The following SCD5 variants were observed in gnomAD, a reference collection of about 807,000 sequenced individuals.
SCD5 encodes the protein acyl-CoA-desaturase 4.
SCD5 carries 20 observed loss-of-function variants against 30.4 expected under a neutral mutation model. The ratio of observed to expected loss-of-function variants is 0.66; its 90% CI spans 0.46 to 0.96. SCD5 has a LOEUF of 0.96. SCD5 is among the 40% of genes least tolerant of loss of function. The pLI, the probability that SCD5 is intolerant of heterozygous loss-of-function variation, is 0.00. For synonymous variants in SCD5, 173 were observed against 176.4 expected (o/e 0.98, Z 0.16); for missense variants, 381 against 443.3 (o/e 0.86, Z 1.26).
intron 3 of SCD5, among the ~76,000 whole-genome samples, chr4:82,648,932 T>C (rs182812287): frequency 3.9e-5 from 6 of 152,274 alleles, no homozygotes; most frequent in African/African-American, 1.4e-4. Context: ...GGATGGAACA[T>C]GTGCTTTGGC....
intron 1 of SCD5, among the ~76,000 whole-genome samples, chr4:82,764,785 G>A (rs907901148): frequency 6.7e-6 from 1 of 148,492 alleles, no homozygotes; most frequent in Non-Finnish European, 1.5e-5. Context: ...ACAGTGCAAC[G>A]GTGCAATCTT....
intron 2 of SCD5, among the ~76,000 whole-genome samples, chr4:82,690,325 G>C (rs1043482770): frequency 1.8e-4 from 28 of 152,216 alleles, no homozygotes; most frequent in African/African-American, 6.5e-4. Flanking sequence ...AGTACTCTAA[G>C]AGTTGGTGAA....
intron 1 of SCD5, among the ~76,000 whole-genome samples, chr4:82,754,342 G>C (rs1249723277): frequency 6.6e-6 from 1 of 152,234 alleles, no homozygotes; most frequent in Non-Finnish European, 1.5e-5. Flanking sequence ...CAGAAAAGCA[G>C]CTAAATCTTC....
chr4:82,761,760 G>A (rs1002782920), intron 1 of SCD5, among the ~76,000 whole-genome samples: 12 of 151,190 alleles, frequency 7.9e-5, no homozygotes, highest in Non-Finnish European at 1.6e-4. Flanking sequence ...TCCCCAGAGT[G>A]TGATATTCCC....
chr4:82,637,920 G>A (rs1023369561), intron 3 of SCD5, among the ~76,000 whole-genome samples: 1 of 151,988 alleles, frequency 6.6e-6, no homozygotes, highest in Non-Finnish European at 1.5e-5. Flanking sequence ...GTGCAGGCTT[G>A]TCACATAGGG....
chr4:82,635,473 T>C (rs1300604579), intron 4 of SCD5, among the ~76,000 whole-genome samples: 1 of 151,594 alleles, frequency 6.6e-6, no homozygotes, highest in African/African-American at 2.4e-5. Flanking sequence ...ACAAAAAAAT[T>C]AGCCAGGCGT....
chr4:82,690,169 T>C (rs1333028956), intron 2 of SCD5, among the ~76,000 whole-genome samples: 2 of 152,336 alleles, frequency 1.3e-5, no homozygotes, highest in Non-Finnish European at 1.5e-5. Context: ...GAAAGTGTCT[T>C]TGTTATTAGG....
chr4:82,790,840 C>T lies in SCD5; in HGVS notation c.232+7466G>A, dbSNP rs542372225. On this transcript the variant is annotated intron_variant, in intron 1 of 4. Coordinates refer to ENST00000319540, the MANE Select transcript of SCD5 (RefSeq NM_001037582.3). ...GCCAGGGCATCTCTTTTAGACATTC[C>T]AATTCATCAGGCCTAGGTAAAGAAA... Among the ~76,000 whole-genome samples the T allele has an allele frequency of 1.4e-4, 22 of 152,196 alleles. No individual in the cohort carries two copies. The East Asian group carries it at 3.3e-3, about 23-fold the overall frequency.
In SCD5 at chr4:82,631,128, A is replaced by AC. The variant is rs879123578; in HGVS notation, c.*198_*199insG. Reference sequence around the variant, plus strand: ...TCTGTCTCAAAAACAAAACAAACAAAAAAAAAAACGAAAGTTTTTTCATTG... The same window carrying AC: ...TCTGTCTCAAAAACAAAACAAACAAACAAAAAAAACGAAAGTTTTTTCATTG... On this transcript the variant is annotated 3_prime_UTR_variant, in exon 5 of 5. Transcript: ENST00000319540. The AC allele has an allele frequency of 2.4e-4, 121 of 504,214 alleles. No individual in the cohort carries two copies. Among genetic ancestry groups the AC allele is most frequent in the South Asian group, 8.2e-4 (23 of 27,926 alleles). 31.2% of individuals were successfully genotyped at this position (504,214 alleles called of 1,614,324 possible). A position where few individuals can be genotyped will look rare whatever the true frequency, so the allele number is the denominator to read the frequency against.
rs193010843 is a variant in SCD5, at chr4:82,632,042, A to T, written c.803-525T>A. On this transcript the variant is annotated intron_variant, in intron 4 of 4. Transcript: ENST00000319540. ...ACTTTTTTTCATGTAGCTTTTCTTT[A>T]TTATTTATTATACTTTAAGTTCTAG... 3.6e-3 allele frequency among the ~76,000 whole-genome samples: 539 copies of T among 150,856 alleles called. 9 individuals carry two copies. The highest frequency in any genetic ancestry group is 0.012 in the African/African-American group (514 of 41,132).
At position 82,749,558 on chromosome 4, in the gene SCD5, TAAC is replaced by T. The variant is rs961891862; in HGVS notation, c.233-44148_233-44146del. The stretch of plus-strand genomic sequence containing the variant: ...ACATTTACATAAATAGAAAAGTAAA[TAAC>T]AACACAAGTTGGGCCAAACAGGCAA... On this transcript the variant is annotated intron_variant, in intron 1 of 4. Transcript: ENST00000319540. Among the ~76,000 whole-genome samples the T allele has an allele frequency of 9.8e-5, 15 of 152,290 alleles. 1 individual carries two copies. The highest frequency in any genetic ancestry group is 3.1e-4 in the African/African-American group (13 of 41,576).
At chr4:82,664,710 T>A (rs1351169947) in intron 3 of SCD5, among the ~76,000 whole-genome samples, 2 of 152,024 alleles carry the variant, frequency 1.3e-5, no homozygotes, top group Non-Finnish European at 2.9e-5. Flanking sequence ...GAGGAAAGAA[T>A]TAGTAAACTT....
At chr4:82,661,038 T>G (rs771308061) in intron 3 of SCD5, 1 of 1,613,980 alleles carries the variant, frequency 6.2e-7, no homozygotes, top group Non-Finnish European at 8.5e-7. Flanking sequence ...ACGCTGCCTC[T>G]TGATTGAGAG....
chr4:82,728,616 C>T (rs1461425205), intron 1 of SCD5, among the ~76,000 whole-genome samples: 6 of 152,122 alleles, frequency 3.9e-5, no homozygotes, highest in Admixed American at 3.3e-4. Flanking sequence ...TCCTGTGGCC[C>T]CACCCAGAGG....
intron 2 of SCD5, among the ~76,000 whole-genome samples, chr4:82,682,204 G>C (rs1390310384): frequency 6.6e-6 from 1 of 152,172 alleles, no homozygotes; most frequent in Non-Finnish European, 1.5e-5. Context: ...AGTCTGCCCA[G>C]CCCACAGAGC....
chr4:82,677,582 G>A (rs913916994), intron 3 of SCD5, among the ~76,000 whole-genome samples: 4 of 152,196 alleles, frequency 2.6e-5, no homozygotes, highest in African/African-American at 4.8e-5. Flanking sequence ...ACAGTTGACT[G>A]CCTCTGTGTA....
intron 3 of SCD5, among the ~76,000 whole-genome samples, chr4:82,645,305 C>T (rs895948149): frequency 6.4e-5 from 7 of 109,488 alleles, no homozygotes; most frequent in Admixed American, 1.1e-4. Context: ...CAGAGTGAGA[C>T]CGTCTCAAGA....
intron 3 of SCD5, among the ~76,000 whole-genome samples, chr4:82,647,178 T>C (rs1410183608): frequency 6.6e-6 from 1 of 152,110 alleles, no homozygotes; most frequent in Non-Finnish European, 1.5e-5. Flanking sequence ...TGACACTAGA[T>C]AGTAGTGCAT....
At chr4:82,664,937 GC>G (rs1728134463) in intron 3 of SCD5, among the ~76,000 whole-genome samples, 1 of 141,274 alleles carries the variant, frequency 7.1e-6, no homozygotes, top group Non-Finnish European at 1.5e-5. Flanking sequence ...TTCAAGACCA[GC>G]CTGGGCAGCA....
Sources: gnomAD v4.1 joint callset for allele counts (sites outside exome capture counted in the v4.1 genomes callset) on GRCh38, gnomAD v4.1.1 for gene constraint, MANE v1.5 for transcripts, NCBI Gene and HGNC (gene_info 2026-07-23, HGNC 2026-07-21) for gene names.